The following PCDH17 variants were observed in gnomAD, a reference collection of about 807,000 sequenced individuals.
The protein encoded by PCDH17 is protocadherin 17.
A neutral mutation model predicts 67.7 loss-of-function variants in PCDH17; 21 were observed. The ratio of observed to expected loss-of-function variants is 0.31; its 90% CI spans 0.22 to 0.45. PCDH17 has a LOEUF of 0.45. Among genes scored for constraint, PCDH17 ranks in the 20% least tolerant of loss-of-function variants. PCDH17 has a pLI of 1.00. For missense variants in PCDH17, 1,471 were observed against 1,564.8 expected, an observed-to-expected ratio of 0.94 and a Z score of 1.01; for synonymous variants, 701 against 656.7, an observed-to-expected ratio of 1.07 and a Z score of -1.03.
chr13:57,699,775 A>C (rs963234972), intron 3 of PCDH17, among the ~76,000 whole-genome samples: 10 of 152,042 alleles, frequency 6.6e-5, no homozygotes, highest in Admixed American at 5.2e-4. Context: ...ACATCGAAGG[A>C]ATCTTCAGTC....
chr13:57,727,004 T>G lies in PCDH17; in HGVS notation c.*1710T>G, dbSNP rs1279050850. On this transcript the variant is annotated 3_prime_UTR_variant, in exon 4 of 4. Coordinates refer to ENST00000377918, the MANE Select transcript of PCDH17 (RefSeq NM_001040429.3). The stretch of plus-strand genomic sequence containing the variant: ...TCCTTTGAGAACAATACACCTTCTA[T>G]TCCTTCATTTGGTTACACCTTTCCT... 6.6e-6 allele frequency: 1 copy of G among 152,614 alleles called. No individual in the cohort carries two copies. The highest frequency in any genetic ancestry group is 1.5e-5 in the Non-Finnish European group (1 of 68,030). 9.5% of individuals were successfully genotyped at this position (152,614 alleles called of 1,614,324 possible).
Position 57,634,143 on chromosome 13 carries a change from G to A in PCDH17, c.1597G>A (p.Ala533Thr), listed in dbSNP as rs1954780683. ...TGTGTCTGTGAATCCCACGAACGGG[G>A]CCATCTACGCCCTGCGCTCCTTTAA... ...TYVSVNPTNG[A>T]IYALRSFNFE... is the part of the protein sequence containing the mutation. Residue 533 changes from alanine to threonine, a missense_variant, in exon 1 of 4, where the codon GCC becomes ACC. Physicochemically the swap from Ala to Thr is moderately conservative, Grantham distance 58. Transcript: ENST00000377918. The surrounding 1 kb of genome is among the most constrained non-coding windows in gnomAD (Gnocchi z 7.8). 1 of 1,613,650 alleles carries A rather than the reference G, an allele frequency of 6.2e-7. No homozygotes were observed. Among genetic ancestry groups the A allele is most frequent in the Non-Finnish European group, 8.5e-7 (1 of 1,180,032 alleles).
chr13:57,640,860 A>G (rs1954882802), intron 1 of PCDH17, among the ~76,000 whole-genome samples: 1 of 152,034 alleles, frequency 6.6e-6, no homozygotes, highest in African/African-American at 2.4e-5. Context: ...CTTGCAATAC[A>G]CTCAATAGTG....
At chr13:57,643,467 T>C (rs1222721443) in intron 1 of PCDH17, among the ~76,000 whole-genome samples, 2 of 151,596 alleles carry the variant, frequency 1.3e-5, no homozygotes, top group Non-Finnish European at 3.0e-5. Flanking sequence ...TCTATAGTTC[T>C]GTCAGCAAAA....
rs1955256663 is a variant in PCDH17 at position 57,666,517 on chromosome 13, T to C, written c.2615T>C (p.Phe872Ser). Residue 872 changes from phenylalanine to serine, a missense_variant, in exon 2 of 4, where the codon TTT becomes TCT. By Grantham distance (155) the Phe-to-Ser change is radical. Around this residue, in one of 3 missense-constraint regions of PCDH17, gnomAD observed 1,163 missense variants for 1,230.0 expected, o/e 0.95. Coordinates refer to ENST00000377918, the MANE Select transcript of PCDH17 (RefSeq NM_001040429.3). ...AATTACATGGGCAGCAGGCAGCAGT[T>C]TGTTCAAAGGTAAGGCCTATTAAAT... ...EPNYMGSRQQ[F>S]VQSSSTFKDP... 1.2e-6 allele frequency: 2 copies of C among 1,613,840 alleles called. No homozygotes were observed. Among genetic ancestry groups the C allele is most frequent in the African/African-American group, 1.3e-5 (1 of 74,922 alleles).
At chr13:57,718,683 T>C (rs1364965977) in intron 3 of PCDH17, among the ~76,000 whole-genome samples, 1 of 152,048 alleles carries the variant, frequency 6.6e-6, no homozygotes, top group Non-Finnish European at 1.5e-5. Flanking sequence ...TTATGTCAAC[T>C]CACTGAAAGA....
intron 3 of PCDH17, among the ~76,000 whole-genome samples, chr13:57,670,964 A>T (rs1020703045): frequency 6.6e-6 from 1 of 151,994 alleles, no homozygotes; most frequent in African/African-American, 2.4e-5. Flanking sequence ...AGCTGAAGAC[A>T]GCTTTAAGGA....
At chr13:57,707,715 G>A (rs1189321911) in intron 3 of PCDH17, among the ~76,000 whole-genome samples, 2 of 151,972 alleles carry the variant, frequency 1.3e-5, no homozygotes, top group Non-Finnish European at 2.9e-5. Flanking sequence ...CAAGGTATAA[G>A]GAGGACCATG....
intron 3 of PCDH17, among the ~76,000 whole-genome samples, chr13:57,678,763 G>T (rs1469379790): frequency 1.3e-5 from 2 of 151,528 alleles, no homozygotes; most frequent in Non-Finnish European, 3.0e-5. Flanking sequence ...TAAAAAACAA[G>T]AAATAGGGGC....
rs1266295537 is a variant in PCDH17, at chr13:57,728,187, T to A, written c.*2893T>A. The A allele has an allele frequency of 6.6e-6, 1 of 152,572 alleles. No homozygotes were observed. The allele number at this position is 152,572 out of a possible 1,614,324, so 9.5% of individuals were successfully genotyped here. A position where few individuals can be genotyped will look rare whatever the true frequency, so the allele number is the denominator to read the frequency against. On this transcript the variant is annotated 3_prime_UTR_variant, in exon 4 of 4. Coordinates refer to ENST00000377918, the MANE Select transcript of PCDH17 (RefSeq NM_001040429.3). ...TTTATTCATTTAGCTGGCAACTGCC[T>A]TTATTGCAGACCTCTGGTGCTTGGC...
intron 3 of PCDH17, among the ~76,000 whole-genome samples, chr13:57,691,038 A>G (rs1458221100): frequency 4.6e-5 from 7 of 151,432 alleles, no homozygotes; most frequent in Non-Finnish European, 7.4e-5. Flanking sequence ...TGTCAGCAAT[A>G]TGTATATTTT....
At chr13:57,715,517 A>G (rs1181153861) in intron 3 of PCDH17, among the ~76,000 whole-genome samples, 1 of 151,916 alleles carries the variant, frequency 6.6e-6, no homozygotes, top group Non-Finnish European at 1.5e-5. Flanking sequence ...AATGCAGAGT[A>G]ATGCTGTAAT....
chr13:57,654,080 C>T (rs1955074748), intron 1 of PCDH17, among the ~76,000 whole-genome samples: 1 of 152,070 alleles, frequency 6.6e-6, no homozygotes, highest in Non-Finnish European at 1.5e-5. Context: ...CATAAAAATT[C>T]ATCTTTAATA....
intron 1 of PCDH17, among the ~76,000 whole-genome samples, chr13:57,641,823 A>G (rs1403684806): frequency 6.6e-6 from 1 of 151,084 alleles, no homozygotes; most frequent in Admixed American, 6.6e-5. Flanking sequence ...GTTAAACAGC[A>G]TAATTACGGG....
At chr13:57,667,900 A>T (rs1593913830) in intron 3 of PCDH17, among the ~76,000 whole-genome samples, 1 of 148,386 alleles carries the variant, frequency 6.7e-6, no homozygotes, top group East Asian at 2.0e-4. Flanking sequence ...TATATTTTTT[A>T]AAACAAAATT....
intron 1 of PCDH17, among the ~76,000 whole-genome samples, chr13:57,658,849 T>C (rs1022306645): frequency 1.3e-5 from 2 of 152,036 alleles, no homozygotes; most frequent in Non-Finnish European, 2.9e-5. Flanking sequence ...GTGCAATCTC[T>C]GCTCACCTCA....
At chr13:57,703,184 A>G (rs1955684752) in intron 3 of PCDH17, among the ~76,000 whole-genome samples, 1 of 152,154 alleles carries the variant, frequency 6.6e-6, no homozygotes, top group Non-Finnish European at 1.5e-5. Flanking sequence ...ATTTGAGGTT[A>G]TGGGTTTTTT....
rs746526448 is a variant in PCDH17, at chr13:57,633,370, A to G, written c.824A>G (p.Asn275Ser). Residue 275 changes from asparagine (N) to serine (S), a missense_variant, in exon 1 of 4, where the codon AAT becomes AGT. By Grantham distance (46) the Asn-to-Ser change is conservative. Coordinates refer to ENST00000377918, the MANE Select transcript of PCDH17 (RefSeq NM_001040429.3). This position sits in a 1 kb window ranked among gnomAD's most constrained non-coding sequence, Gnocchi z 6.2. ...LNATDADEGP[N>S]GEVLYSFSSY... Reference sequence around the variant, plus strand: ...GCCACCGACGCCGATGAAGGTCCCAATGGTGAAGTGCTCTACTCTTTCAGC... The same window carrying G: ...GCCACCGACGCCGATGAAGGTCCCAGTGGTGAAGTGCTCTACTCTTTCAGC... 1.0e-4 allele frequency: 166 copies of G among 1,613,230 alleles called. No individual in the cohort carries two copies. Among genetic ancestry groups the G allele is most frequent in the Middle Eastern group, 1.6e-4 (1 of 6,062 alleles).
chr13:57,654,791 A>G (rs1349120519), intron 1 of PCDH17, among the ~76,000 whole-genome samples: 5 of 152,018 alleles, frequency 3.3e-5, no homozygotes, highest in Admixed American at 2.0e-4. Context: ...TACATTTTAA[A>G]TGTGGTATAT....
Sources: gnomAD v4.1 joint callset for allele counts (sites outside exome capture counted in the v4.1 genomes callset) on GRCh38, gnomAD v4.1.1 for gene constraint, gnomAD v4.1.1 regional missense constraint, Gnocchi (gnomAD v3.1) non-coding constraint, MANE v1.5 for transcripts, NCBI Gene and HGNC (gene_info 2026-07-23, HGNC 2026-07-21) for gene names.